DNHD1: variants seen among roughly 807,000 people sequenced by gnomAD.
DNHD1 encodes dynein heavy chain domain-containing protein 1.
Under a neutral mutation model 458.1 loss-of-function variants are expected in DNHD1, and 383 were observed. The observed-to-expected ratio is 0.84, with a 90% CI of 0.77 to 0.91. The LOEUF is 0.91. Ranked by LOEUF, DNHD1 falls within the 40% of genes least tolerant of loss-of-function variation. The pLI, the probability that DNHD1 is intolerant of heterozygous loss-of-function variation, is 0.00. For missense variants in DNHD1, 5,336 were observed against 5,866.1 expected, an observed-to-expected ratio of 0.91 and a Z score of 2.95; for synonymous variants, 2,203 against 2,376.9, an observed-to-expected ratio of 0.93 and a Z score of 2.13.
chr11:6,563,996 G>A lies in DNHD1; in HGVS notation c.10156G>A (p.Glu3386Lys). 6.4e-7 allele frequency: 1 copy of A among 1,551,738 alleles called. No individual in the cohort carries two copies. The highest frequency in any genetic ancestry group is 8.7e-7 in the Non-Finnish European group (1 of 1,146,998). ...TAATTTGGCCCTGGCTAAGATGGTG[G>A]AGGATGCCCAAGCTTCCCACAACTG... ...EHNLALAKMVEDAQASHNCVA... is the reference protein window; with the variant it reads ...EHNLALAKMVKDAQASHNCVA... The change falls in exon 31 of 43, where the codon GAG becomes AAG. Residue 3386 changes from glutamate to lysine, a missense_variant. Physicochemically the swap from Glu to Lys is moderately conservative, Grantham distance 56. Transcript: ENST00000254579.
rs952325157 is a variant in DNHD1 at position 6,505,147 on chromosome 11, G to C, written c.920+2221G>C. Among the ~76,000 whole-genome samples the C allele has an allele frequency of 1.1e-4, 17 of 151,490 alleles. No homozygotes were observed. The highest frequency in any genetic ancestry group is 4.1e-4 in the African/African-American group (17 of 41,212). On this transcript the variant is annotated intron_variant, in intron 4 of 42. Coordinates refer to ENST00000254579, the MANE Select transcript of DNHD1 (RefSeq NM_144666.3). This position sits in a 1 kb window ranked among gnomAD's most constrained non-coding sequence, Gnocchi z 4.4. ...CACCCGGCCCCATTCAGAGTTCTGA[G>C]TCTCAACTCTGCAAGGCCCCTCCTC...
intron 40 of DNHD1, 54 bp from the exon 41 acceptor site, chr11:6,570,193 G>A: frequency 6.2e-7 from 1 of 1,613,730 alleles, no homozygotes. Flanking sequence ...TTTGGTTTTG[G>A]CGGTGGTGGA....
rs1215323535 is a variant in DNHD1, at chr11:6,567,333, C to T, written c.11824C>T (p.Leu3942=). 2.5e-6 allele frequency: 4 copies of T among 1,613,968 alleles called. No individual in the cohort carries two copies. The Admixed American group carries it at 6.7e-5, about 27-fold the overall frequency. ...GGTGGGTGCATTGGGCGCTTTGGCT[C>T]TGCTGCAAGCAACAGGGAAAGCATC... ...PLVGALGALA[L]LQATGKASEL... The change falls in exon 36 of 43, where the codon CTG becomes TTG. Residue 3942 remains leucine, a synonymous_variant. Transcript: ENST00000254579.
Position 6,567,333 on chromosome 11 carries a change from C to G in DNHD1, c.11824C>G (p.Leu3942Val). ...GGTGGGTGCATTGGGCGCTTTGGCT[C>G]TGCTGCAAGCAACAGGGAAAGCATC... is the stretch of plus-strand genomic sequence containing the variant. ...PLVGALGALA[L>V]LQATGKASEL... The change falls in exon 36 of 43, where the codon CTG becomes GTG. Residue 3942 changes from leucine to valine, a missense_variant. Physicochemically the swap from Leu to Val is conservative, Grantham distance 32 (BLOSUM62 1). Transcript: ENST00000254579. 8.1e-6 allele frequency: 13 copies of G among 1,614,086 alleles called. No individual in the cohort carries two copies. Among genetic ancestry groups the G allele is most frequent in the Non-Finnish European group, 1.1e-5 (13 of 1,179,912 alleles).
chr11:6,571,464 C>T lies in DNHD1; in HGVS notation c.13911+41C>T, dbSNP rs767535245. The T allele has an allele frequency of 4.6e-6, 7 of 1,517,622 alleles. No individual in the cohort carries two copies. The highest frequency in any genetic ancestry group is 2.8e-5 in the African/African-American group (2 of 72,494). The allele number at this position is 1,517,622 out of a possible 1,614,324, so 94.0% of individuals were successfully genotyped here. ...CCCTCGTTCGCGGTTCCAGTCCCCTCGAAGTCTCTAATTACACCTCGCAGT... is the reference window on the plus strand; with the variant it reads ...CCCTCGTTCGCGGTTCCAGTCCCCTTGAAGTCTCTAATTACACCTCGCAGT... On this transcript the variant is annotated intron_variant, in intron 42 of 42. Coordinates refer to ENST00000254579, the MANE Select transcript of DNHD1 (RefSeq NM_144666.3). The surrounding 1 kb of genome is among the most constrained non-coding windows in gnomAD (Gnocchi z 5.0).
chr11:6,567,857 G>T lies in DNHD1; in HGVS notation c.12348G>T (p.Gln4116His), dbSNP rs1853743935. The part of the protein sequence containing the change: ...TVIQKLAAKY[Q>H]QGQKQLQVIA... ...TCCAGAAACTGGCTGCCAAGTATCA[G>T]CAGGTTTGAACCTAGTTTCTTGGCC... Residue 4116 changes from glutamine (Q) to histidine (H), a missense_variant, in exon 36 of 43, where the codon CAG becomes CAT. Transcript: ENST00000254579. 6.2e-7 allele frequency: 1 copy of T among 1,610,022 alleles called. No individual in the cohort carries two copies. Among genetic ancestry groups the T allele is most frequent in the Non-Finnish European group, 8.5e-7 (1 of 1,179,078 alleles).
At chr11:6,549,499 C>T (rs1227023390) in intron 24 of DNHD1, among the ~76,000 whole-genome samples, 2 of 152,224 alleles carry the variant, frequency 1.3e-5, no homozygotes, top group South Asian at 2.1e-4. Flanking sequence ...TGTCCTCTTA[C>T]ACTCTCTCTA....
rs1564822657 is a variant in DNHD1, at chr11:6,563,824, C to G, written c.9984C>G (p.Ala3328=). Residue 3328 remains alanine (A), a synonymous_variant, in exon 31 of 43, where the codon GCC becomes GCG. Transcript: ENST00000254579. Reference sequence around the variant, plus strand: ...GCCGACCTGCAGCCAGCCTGGCAGCCTGGCTCTGGGCTGTTCTGCACTATG... The same window carrying G: ...GCCGACCTGCAGCCAGCCTGGCAGCGTGGCTCTGGGCTGTTCTGCACTATG... ...AVSRPAASLA[A]WLWAVLHYGL... 1 of 1,551,704 alleles carries G rather than the reference C, an allele frequency of 6.4e-7. No individual in the cohort carries two copies. The highest frequency in any genetic ancestry group is 8.7e-7 in the Non-Finnish European group (1 of 1,147,000).
At chr11:6,503,920 C>T (rs1852183765) in intron 4 of DNHD1, 1 of 152,188 alleles carries the variant, frequency 6.6e-6, no homozygotes, top group African/African-American at 2.4e-5. Context: ...TCCTCATCTA[C>T]CAGGTAGGTG....
In DNHD1 at chr11:6,520,103, G is replaced by A; in HGVS notation, c.1785+1G>A. On this transcript the variant is annotated splice_donor_variant, in intron 9 of 42. Coordinates refer to ENST00000254579, the MANE Select transcript of DNHD1 (RefSeq NM_144666.3). LOFTEE classifies it high-confidence loss of function. ...GTCTGTCAAGACCTCTGCCTTGCAG[G>A]TATTCTGAATTGGGCAGAGAGCTGG... The A allele has an allele frequency of 6.2e-7, 1 of 1,614,180 alleles. No individual in the cohort carries two copies. Among genetic ancestry groups the A allele is most frequent in the Non-Finnish European group, 8.5e-7 (1 of 1,180,030 alleles).
At chr11:6,566,853 G>A in intron 35 of DNHD1, 42 bp from the exon 36 acceptor site, 2 of 1,600,628 alleles carry the variant, frequency 1.2e-6, no homozygotes, top group Non-Finnish European at 1.7e-6. Flanking sequence ...TTTGGGGTCT[G>A]TGGGAAAGGG....
chr11:6,533,168 C>T lies in DNHD1; in HGVS notation c.2489C>T (p.Ala830Val). Residue 830 changes from alanine to valine, a missense_variant, in exon 13 of 43, where the codon GCA becomes GTA. Physicochemically the swap from Ala to Val is moderately conservative, Grantham distance 64. Transcript: ENST00000254579. ...RTINSDIHAIAQCTQKLNEAN... is the reference protein window; with the variant it reads ...RTINSDIHAIVQCTQKLNEAN... ...ATCAACTCAGATATTCATGCCATTG[C>T]ACAGTGCACCCAGAAGGTGGGCTCT... is the stretch of plus-strand genomic sequence containing the variant. 1 of 1,551,550 alleles carries T rather than the reference C, an allele frequency of 6.4e-7. No individual in the cohort carries two copies. Among genetic ancestry groups the T allele is most frequent in the Non-Finnish European group, 8.7e-7 (1 of 1,146,950 alleles).
chr11:6,507,284 C>A (rs1852247266), intron 4 of DNHD1, among the ~76,000 whole-genome samples: 1 of 152,176 alleles, frequency 6.6e-6, no homozygotes. Flanking sequence ...GGCTTACACA[C>A]TGCTTGCCTT....
At chr11:6,533,259 G>GAGACCTGAAGAGA in intron 13 of DNHD1, 75 bp downstream of exon 13, 1 of 1,433,096 alleles carries the variant, frequency 7.0e-7, no homozygotes, top group Non-Finnish European at 9.5e-7. Flanking sequence ...ACTCTCTTCA[G>GAGACCTGAAGAGA]GTCTCTGCTG....
At chr11:6,520,918 C>G in intron 10 of DNHD1, 1 of 869,624 alleles carries the variant, frequency 1.1e-6, no homozygotes, top group Non-Finnish European at 1.4e-6. Flanking sequence ...TCTATCTGTT[C>G]ATTAAGAAGA....
At chr11:6,562,781 G>A (rs982196330) in intron 28 of DNHD1, among the ~76,000 whole-genome samples, 2 of 152,076 alleles carry the variant, frequency 1.3e-5, no homozygotes, top group East Asian at 3.9e-4. Context: ...CACACACTTG[G>A]GGCTGCGTTA....
At position 6,567,157 on chromosome 11, in the gene DNHD1, C is replaced by T; in HGVS notation, c.11648C>T (p.Ala3883Val). ...LFCMSPENWL[A>V]VTKQALDSMK... ...TGTATGAGCCCAGAGAACTGGCTGG[C>T]AGTCACTAAGCAGGCTCTGGACAGC... Residue 3883 changes from alanine (A) to valine (V), a missense_variant, in exon 36 of 43, where the codon GCA (alanine) becomes GTA (valine). Physicochemically the swap from Ala to Val is moderately conservative, Grantham distance 64 (BLOSUM62 0). Coordinates refer to ENST00000254579, the MANE Select transcript of DNHD1 (RefSeq NM_144666.3). 1 of 1,614,026 alleles carries T rather than the reference C, an allele frequency of 6.2e-7. No homozygotes were observed. The highest frequency in any genetic ancestry group is 2.2e-5 in the East Asian group (1 of 44,882).
chr11:6,565,720 G>A lies in DNHD1; in HGVS notation c.10782G>A (p.Lys3594=). 6.5e-7 allele frequency: 1 copy of A among 1,549,116 alleles called. No individual in the cohort carries two copies. The change falls in exon 33 of 43, where the codon AAG becomes AAA. Residue 3594 remains lysine (K), a synonymous_variant. Transcript: ENST00000254579. The stretch of plus-strand genomic sequence containing the variant: ...GGAAAGGCCTCATGAGAAATCAAAA[G>A]AGAGAGAGTAAAACGGACATGAAAG... ...GRGKGLMRNQ[K]RESKTDMKEE...
At chr11:6,543,173 A>G (rs1853135046) in intron 18 of DNHD1, among the ~76,000 whole-genome samples, 1 of 152,232 alleles carries the variant, frequency 6.6e-6, no homozygotes, top group Admixed American at 6.5e-5. Flanking sequence ...TGAGAGCAGG[A>G]TAATGAGTTT....
Sources: gnomAD v4.1 joint callset for allele counts (sites outside exome capture counted in the v4.1 genomes callset) on GRCh38, gnomAD v4.1.1 for gene constraint, Gnocchi (gnomAD v3.1) non-coding constraint, MANE v1.5 for transcripts, NCBI Gene and HGNC (gene_info 2026-07-23, HGNC 2026-07-21) for gene names.